Variants in ENO4 observed in about 807,000 individuals in gnomAD.
The protein encoded by ENO4 is 2-phospho-D-glycerate hydro-lyase.
Under a neutral mutation model 63.2 loss-of-function variants are expected in ENO4, and 53 were observed. That is an observed-to-expected ratio of 0.84 (90% CI 0.67 to 1.05). The LOEUF is 1.05. Among genes scored for constraint, ENO4 ranks in the 50% least tolerant of loss-of-function variants. The pLI is 0.00. For synonymous variants in ENO4, 266 were observed against 283.8 expected, an observed-to-expected ratio of 0.94 and a Z score of 0.63; for missense variants, 719 against 772.0, an observed-to-expected ratio of 0.93 and a Z score of 0.81.
chr10:116,852,940 T>C (rs990315030), intron 1 of ENO4, among the ~76,000 whole-genome samples: 3 of 152,116 alleles, frequency 2.0e-5, no homozygotes, highest in African/African-American at 7.2e-5. Flanking sequence ...CCCACCCAGA[T>C]TACAGGACCA....
intron 6 of ENO4, among the ~76,000 whole-genome samples, chr10:116,862,353 A>G (rs1846438518): frequency 6.6e-6 from 1 of 152,164 alleles, no homozygotes; most frequent in Non-Finnish European, 1.5e-5. Flanking sequence ...CATCCCAGCT[A>G]CTTGGGAGGT....
intron 10 of ENO4, among the ~76,000 whole-genome samples, chr10:116,896,117 A>G (rs1847507963): frequency 6.6e-6 from 1 of 152,160 alleles, no homozygotes; most frequent in African/African-American, 2.4e-5. Flanking sequence ...AGAGTAATAG[A>G]AGTATTAAAA....
chr10:116,878,989 T>C (rs560502296), intron 11 of ENO4, among the ~76,000 whole-genome samples: 4 of 152,158 alleles, frequency 2.6e-5, no homozygotes, highest in East Asian at 1.9e-4. Context: ...ATGATCCACC[T>C]GCCTTGGCCT....
downstream of ENO4, chr10:116,886,385 T>A: frequency 1.3e-6 from 2 of 1,565,892 alleles, no homozygotes; most frequent in Non-Finnish European, 1.7e-6. Context: ...TTTTCAATGC[T>A]GTCTTCTTTG....
intron 10 of ENO4, among the ~76,000 whole-genome samples, chr10:116,905,886 CA>C (rs1847949785): frequency 6.6e-6 from 1 of 152,178 alleles, no homozygotes; most frequent in Admixed American, 6.5e-5. Flanking sequence ...AAGACACGCA[CA>C]GTTATGGGAT....
At chr10:116,854,432 C>T (rs549047837) in intron 1 of ENO4, among the ~76,000 whole-genome samples, 3 of 151,986 alleles carry the variant, frequency 2.0e-5, no homozygotes, top group Non-Finnish European at 2.9e-5. Context: ...TTTTGGTGCA[C>T]GCCTGTAATC....
At chr10:116,877,559 C>T (rs1055381302) in intron 11 of ENO4, among the ~76,000 whole-genome samples, 1 of 152,022 alleles carries the variant, frequency 6.6e-6, no homozygotes, top group Non-Finnish European at 1.5e-5. Flanking sequence ...AGGGTAGGTT[C>T]ACTACTAACA....
intron 10 of ENO4, chr10:116,901,382 G>C: frequency 1.0e-6 from 1 of 985,268 alleles, no homozygotes; most frequent in African/African-American, 1.7e-5. Flanking sequence ...GCCCTTCTAA[G>C]TAGTCTCTGA....
At chr10:116,862,246 C>T (rs1846435458) in intron 6 of ENO4, among the ~76,000 whole-genome samples, 2 of 152,066 alleles carry the variant, frequency 1.3e-5, no homozygotes, top group East Asian at 3.9e-4. Flanking sequence ...GGAGGATGGC[C>T]TGAGGTCAGG....
At chr10:116,862,395 G>A (rs987711778) in intron 6 of ENO4, among the ~76,000 whole-genome samples, 1 of 152,016 alleles carries the variant, frequency 6.6e-6, no homozygotes, top group African/African-American at 2.4e-5. Context: ...ACAATTCGGA[G>A]TTTGCAGTAG....
At chr10:116,906,917 G>A (rs1847991881) in intron 10 of ENO4, among the ~76,000 whole-genome samples, 1 of 152,202 alleles carries the variant, frequency 6.6e-6, no homozygotes, top group Non-Finnish European at 1.5e-5. Flanking sequence ...CAACAAGACA[G>A]AGTGTTGGAT....
At chr10:116,893,597 C>CACACACACACACACACACACACA (rs3981216) in intron 10 of ENO4, among the ~76,000 whole-genome samples, 10 of 151,458 alleles carry the variant, frequency 6.6e-5, no homozygotes, top group South Asian at 2.1e-4. Context: ...CACACACACA[C>CACACACACACACACACACACACA]GAGAAAGAAA....
chr10:116,878,664 T>C (rs1846903298), intron 11 of ENO4, among the ~76,000 whole-genome samples: 1 of 151,440 alleles, frequency 6.6e-6, no homozygotes, highest in African/African-American at 2.4e-5. Flanking sequence ...GTCTTAGAAA[T>C]GTGTCAATCT....
At chr10:116,901,246 A>G in intron 10 of ENO4, 1 of 985,030 alleles carries the variant, frequency 1.0e-6, no homozygotes, top group Non-Finnish European at 1.2e-6. Context: ...CTCTTTGACA[A>G]TCAAAGTGCC....
At chr10:116,887,489 C>T (rs1007503432), downstream of ENO4, among the ~76,000 whole-genome samples, 4 of 152,084 alleles carry the variant, frequency 2.6e-5, no homozygotes, top group Non-Finnish European at 5.9e-5. Context: ...AACCATGACC[C>T]GGCACACCAC....
chr10:116,851,990 A>T (rs545907982), intron 1 of ENO4, among the ~76,000 whole-genome samples: 12 of 152,220 alleles, frequency 7.9e-5, no homozygotes, highest in African/African-American at 2.6e-4. Context: ...CTCATCTTGA[A>T]TTGTACTGCT....
At chr10:116,868,102 C>T (rs1158498133) in intron 7 of ENO4, among the ~76,000 whole-genome samples, 1 of 152,220 alleles carries the variant, frequency 6.6e-6, no homozygotes, top group Non-Finnish European at 1.5e-5. Flanking sequence ...TGCTTTTAAC[C>T]TCATGACACT....
chr10:116,881,773 C>T lies in ENO4; in HGVS notation c.*104C>T. 3.5e-6 allele frequency: 3 copies of T among 849,458 alleles called. No individual in the cohort carries two copies. Among genetic ancestry groups the T allele is most frequent in the Non-Finnish European group, 3.3e-6 (2 of 610,984 alleles). The allele number at this position is 849,458 out of a possible 1,614,324, so 52.6% of individuals were successfully genotyped here. A position where few individuals can be genotyped will look rare whatever the true frequency, so the allele number is the denominator to read the frequency against. On this transcript the variant is annotated 3_prime_UTR_variant, in exon 14 of 14. Coordinates refer to ENST00000341276, the MANE Select transcript of ENO4 (RefSeq NM_001242699.2). ...ACATGGAGTTTCCTCTTCAACTTCA[C>T]CAACTCTTGTGGTTTTTATTCTTCT...
At position 116,882,583 on chromosome 10, in the gene ENO4, T is replaced by G. The variant is rs1564856280; in HGVS notation, c.*914T>G. On this transcript the variant is annotated 3_prime_UTR_variant, in exon 14 of 14. Transcript: ENST00000341276. Reference sequence around the variant, plus strand: ...CGTTAAAATGGTTACCATTTGCTTCTCCTAAAAATTATATAAATTGCTATG... The same window carrying G: ...CGTTAAAATGGTTACCATTTGCTTCGCCTAAAAATTATATAAATTGCTATG... 6.6e-6 allele frequency: 1 copy of G among 152,186 alleles called. No individual in the cohort carries two copies. The highest frequency in any genetic ancestry group is 2.4e-5 in the African/African-American group (1 of 41,446). The allele number at this position is 152,186 out of a possible 1,614,324, so 9.4% of individuals were successfully genotyped here. A position where few individuals can be genotyped will look rare whatever the true frequency, so the allele number is the denominator to read the frequency against.
Sources: allele counts gnomAD v4.1 joint callset (sites outside exome capture counted in the v4.1 genomes callset), GRCh38; gene constraint gnomAD v4.1.1; transcripts MANE v1.5; gene names NCBI Gene and HGNC (gene_info 2026-07-23, HGNC 2026-07-21).